The following PPARGC1B variants were observed in gnomAD, a reference collection of about 807,000 sequenced individuals.
The protein encoded by PPARGC1B is PPARG coactivator 1 beta, also known as peroxisome proliferator-activated receptor gamma coactivator 1-beta.
A neutral mutation model predicts 101.6 loss-of-function variants in PPARGC1B; 34 were observed. That is an observed-to-expected ratio of 0.33 (90% CI 0.25 to 0.45). The LOEUF (loss-of-function observed/expected upper bound fraction) is 0.45, where lower values mean the gene tolerates loss of function less well. Among genes scored for constraint, PPARGC1B ranks in the 20% least tolerant of loss-of-function variants. The pLI is 1.00. For synonymous variants in PPARGC1B, 548 were observed against 539.3 expected, an observed-to-expected ratio of 1.02 and a Z score of -0.22; for missense variants, 1,234 against 1,317.6, an observed-to-expected ratio of 0.94 and a Z score of 0.98.
chr5:149,765,180 C>T (rs1755863132), intron 1 of PPARGC1B, among the ~76,000 whole-genome samples: 1 of 152,234 alleles, frequency 6.6e-6, no homozygotes, highest in Non-Finnish European at 1.5e-5. Flanking sequence ...CTTGGGTCAG[C>T]TTGTTAAAGG....
At chr5:149,769,003 C>A (rs527837984) in intron 1 of PPARGC1B, among the ~76,000 whole-genome samples, 10 of 152,342 alleles carry the variant, frequency 6.6e-5, no homozygotes, top group African/African-American at 2.4e-4. Context: ...GTATTATGAT[C>A]TCTGTGCAGT....
At chr5:149,731,119 C>A (rs977187375) in intron 1 of PPARGC1B, among the ~76,000 whole-genome samples, 1 of 152,150 alleles carries the variant, frequency 6.6e-6, no homozygotes, top group Non-Finnish European at 1.5e-5. Flanking sequence ...TGCGCGGCCC[C>A]GGTGCGCGCT....
intron 1 of PPARGC1B, among the ~76,000 whole-genome samples, chr5:149,810,262 T>A (rs1757803195): frequency 1.3e-5 from 2 of 152,232 alleles, no homozygotes; most frequent in Admixed American, 1.3e-4. Context: ...TTACCCTGCC[T>A]TAAAACACCT....
chr5:149,751,533 C>T (rs1375593007), intron 1 of PPARGC1B, among the ~76,000 whole-genome samples: 3 of 151,970 alleles, frequency 2.0e-5, no homozygotes, highest in African/African-American at 7.3e-5. Context: ...TGGTGAAACC[C>T]CGTCTCTACT....
rs11371560 is a variant in PPARGC1B at position 149,799,693 on chromosome 5, G to GTTTTTTTTTTTTTTTTTTTTTT, written c.79-20719_79-20718insTTTTTTTTTTTTTTTTTTTTTT. On this transcript the variant is annotated intron_variant, in intron 1 of 11. Coordinates refer to ENST00000309241, the MANE Select transcript of PPARGC1B (RefSeq NM_133263.4). Reference sequence around the variant, plus strand: ...TTTGTTTGTTTGTTTGCTTGTTGTTGTTTTTTTTTTTTTTTTTTTTTGAGA... The same window carrying GTTTTTTTTTTTTTTTTTTTTTT: ...TTTGTTTGTTTGTTTGCTTGTTGTTGTTTTTTTTTTTTTTTTTTTTTTTTTTTTTTTTTTTTTTTTTTTGAGA... Among the ~76,000 whole-genome samples the GTTTTTTTTTTTTTTTTTTTTTT allele has an allele frequency of 1.4e-4, 11 of 76,462 alleles. 1 individual carries two copies. The highest frequency in any genetic ancestry group is 8.1e-4 in the East Asian group (2 of 2,456). 50.2% of individuals were successfully genotyped at this position (76,462 alleles called of 152,430 possible).
chr5:149,809,687 TAAAAAAAAAAA>T (rs35168335), intron 1 of PPARGC1B, among the ~76,000 whole-genome samples: 3 of 109,230 alleles, frequency 2.7e-5, no homozygotes, highest in African/African-American at 7.0e-5. Context: ...GATCCTTTCT[TAAAAAAAAAAA>T]AAAAAAAAAA....
chr5:149,737,036 A>C (rs1754741226), intron 1 of PPARGC1B, among the ~76,000 whole-genome samples: 1 of 152,122 alleles, frequency 6.6e-6, no homozygotes, highest in African/African-American at 2.4e-5. Context: ...GAATAGTCTC[A>C]CTGCCCTGGA....
intron 1 of PPARGC1B, chr5:149,761,534 T>TA (rs1755718904): frequency 6.6e-6 from 1 of 152,206 alleles, no homozygotes. Context: ...CTCACGTTCA[T>TA]TGCAGCATTA....
chr5:149,823,950 AC>A (rs1758404194), intron 2 of PPARGC1B, among the ~76,000 whole-genome samples: 1 of 152,020 alleles, frequency 6.6e-6, no homozygotes, highest in Non-Finnish European at 1.5e-5. Flanking sequence ...TCACTGTGTG[AC>A]CTTGAAAGGT....
At chr5:149,824,979 G>A (rs1048671948) in intron 2 of PPARGC1B, among the ~76,000 whole-genome samples, 15 of 152,282 alleles carry the variant, frequency 9.9e-5, no homozygotes, top group South Asian at 8.3e-4. Flanking sequence ...AGGCCGTCAC[G>A]AGACGTGTAT....
At chr5:149,777,497 G>A (rs1756411190) in intron 1 of PPARGC1B, among the ~76,000 whole-genome samples, 1 of 152,162 alleles carries the variant, frequency 6.6e-6, no homozygotes, top group South Asian at 2.1e-4. Flanking sequence ...GTGGGAGGGG[G>A]CCTGCCTGGC....
At chr5:149,809,222 C>A (rs1168364335) in intron 1 of PPARGC1B, among the ~76,000 whole-genome samples, 4 of 10,114 alleles carry the variant, frequency 4.0e-4, no homozygotes, top group Admixed American at 1.3e-3. Context: ...ATAGATAGAT[C>A]CATCTCTACC....
chr5:149,813,956 A>T (rs999837853), intron 1 of PPARGC1B, among the ~76,000 whole-genome samples: 3 of 152,136 alleles, frequency 2.0e-5, no homozygotes, highest in African/African-American at 7.2e-5. Flanking sequence ...TCATGACCTC[A>T]TCACCTCCCA....
chr5:149,828,504 A>G (rs1379051536), intron 3 of PPARGC1B, among the ~76,000 whole-genome samples: 1 of 152,272 alleles, frequency 6.6e-6, no homozygotes, highest in East Asian at 1.9e-4. Context: ...ATGTGAACTA[A>G]TACTTCTGGT....
At chr5:149,750,907 T>G (rs899178) in intron 1 of PPARGC1B, among the ~76,000 whole-genome samples, 97,160 of 152,132 alleles carry the variant, frequency 0.64, 30,994 homozygotes, top group South Asian at 0.72. Context: ...TGTACATCCA[T>G]AGCTGTGCTC....
In PPARGC1B at chr5:149,833,676, C is replaced by T. The variant is rs1225584731; in HGVS notation, c.1603C>T (p.Gln535Ter). ...PTDEDSGQDQ[Q>*]LLRGPQIPAL... ...GGACGAGGACAGTGGCCAAGACCAG[C>T]AGCTCCTACGGGGACCCCAGATCCC... Residue 535 changes from glutamine (Q) to a stop codon, truncating the protein, a stop_gained, in exon 5 of 12, where the codon CAG (glutamine) becomes TAG (stop). Coordinates refer to ENST00000309241, the MANE Select transcript of PPARGC1B (RefSeq NM_133263.4). LOFTEE classifies it high-confidence loss of function. This position sits in a 1 kb window ranked among gnomAD's most constrained non-coding sequence, Gnocchi z 4.1. 6.2e-7 allele frequency: 1 copy of T among 1,609,528 alleles called. No homozygotes were observed.
chr5:149,789,112 A>G (rs1351828589), intron 1 of PPARGC1B, among the ~76,000 whole-genome samples: 1 of 152,214 alleles, frequency 6.6e-6, no homozygotes, highest in Non-Finnish European at 1.5e-5. Context: ...GATAGTCCAA[A>G]GTTGTGCTCC....
intron 1 of PPARGC1B, among the ~76,000 whole-genome samples, chr5:149,784,220 A>C (rs913972775): frequency 6.6e-6 from 1 of 152,000 alleles, no homozygotes; most frequent in Non-Finnish European, 1.5e-5. Flanking sequence ...GGAGTCACTG[A>C]GTCTTGCCAG....
At chr5:149,746,811 G>A (rs180925395) in intron 1 of PPARGC1B, among the ~76,000 whole-genome samples, 102 of 152,272 alleles carry the variant, frequency 6.7e-4, no homozygotes, top group African/African-American at 2.3e-3. Flanking sequence ...ATGGATGTGA[G>A]GTGGTTATCT....
Sources: gnomAD v4.1 joint callset for allele counts (sites outside exome capture counted in the v4.1 genomes callset) on GRCh38, gnomAD v4.1.1 for gene constraint, Gnocchi (gnomAD v3.1) non-coding constraint, MANE v1.5 for transcripts, NCBI Gene and HGNC (gene_info 2026-07-23, HGNC 2026-07-21) for gene names.